Variants in SH3KBP1 observed in about 807,000 individuals in gnomAD.
SH3KBP1 encodes the protein SH3 domain containing kinase binding protein 1.
Under a neutral mutation model 50.1 loss-of-function variants are expected in SH3KBP1, and 8 were observed. The observed-to-expected ratio is 0.16, with a 90% CI of 0.09 to 0.29. The LOEUF (loss-of-function observed/expected upper bound fraction) is 0.29. SH3KBP1 is among the 10% of genes least tolerant of loss of function. The probability of loss-of-function intolerance (pLI) is 1.00; values close to 1 mark genes in which losing one functional copy is unlikely to be tolerated. For synonymous variants in SH3KBP1, 227 were observed against 218.6 expected (o/e 1.04, Z -0.34); for missense variants, 377 against 535.2 (o/e 0.70, Z 2.92).
chrX:19,740,074 G>A (rs755457558), intron 3 of SH3KBP1, among the ~76,000 whole-genome samples: 2 of 110,932 alleles, frequency 1.8e-5, no homozygotes, highest in South Asian at 7.7e-4. Flanking sequence ...ACACATAATC[G>A]CAACATGATG....
In SH3KBP1 at chrX:19,539,074, AC is replaced by A. The variant is rs943612971; in HGVS notation, c.1893-1295del. On this transcript the variant is annotated intron_variant, in intron 16 of 17. Coordinates refer to ENST00000397821, the MANE Select transcript of SH3KBP1 (RefSeq NM_031892.3). ...GATCCACGGCCTAATGCCCTTTCCA[AC>A]ATTAAAAATAATGAAGTGCACAGCA... 3.6e-5 allele frequency among the ~76,000 whole-genome samples: 4 copies of A among 112,186 alleles called. No individual in the cohort carries two copies. The Admixed American group carries it at 3.8e-4, about 11-fold the overall frequency.
chrX:19,748,777 C>A (rs1569454569), intron 2 of SH3KBP1, among the ~76,000 whole-genome samples: 1 of 110,656 alleles, frequency 9.0e-6, no homozygotes, highest in African/African-American at 3.3e-5. Context: ...TTTTCTCCAA[C>A]CTGCCCCTTC....
At chrX:19,572,196 T>TATATGTTATATATAGTAC (rs1395070378) in intron 12 of SH3KBP1, among the ~76,000 whole-genome samples, 9 of 107,862 alleles carry the variant, frequency 8.3e-5, no homozygotes, top group African/African-American at 3.0e-4. Flanking sequence ...AAAGTACATA[T>TATATGTTATATATAGTAC]ATATGTTATA....
At chrX:19,788,188 G>C (rs1051114104) in intron 2 of SH3KBP1, among the ~76,000 whole-genome samples, 2 of 102,404 alleles carry the variant, frequency 2.0e-5, no homozygotes, top group Non-Finnish European at 3.9e-5. Context: ...AGGATCACTT[G>C]AGCCCAGAAG....
intron 3 of SH3KBP1, among the ~76,000 whole-genome samples, chrX:19,724,652 A>G (rs1446836669): frequency 8.8e-6 from 1 of 113,163 alleles, no homozygotes; most frequent in Non-Finnish European, 1.9e-5. Flanking sequence ...AAAAACAGCC[A>G]GTGCCAGGTT....
At chrX:19,741,165 C>T (rs1215205352) in intron 3 of SH3KBP1, among the ~76,000 whole-genome samples, 1 of 112,020 alleles carries the variant, frequency 8.9e-6, no homozygotes, top group Admixed American at 9.5e-5. Context: ...GAATGGAACC[C>T]GTCTGAAGGA....
At chrX:19,829,892 G>A (rs1039916590) in intron 2 of SH3KBP1, among the ~76,000 whole-genome samples, 2 of 110,852 alleles carry the variant, frequency 1.8e-5, no homozygotes, top group African/African-American at 3.3e-5. Context: ...CAAGAAAGGG[G>A]TGGGCAATTC....
At chrX:19,691,959 G>T (rs1005727750) in intron 5 of SH3KBP1, among the ~76,000 whole-genome samples, 2 of 111,806 alleles carry the variant, frequency 1.8e-5, no homozygotes, top group African/African-American at 6.5e-5. Flanking sequence ...AATTGCTGAA[G>T]CTGAGTGATA....
chrX:19,630,912 C>T (rs1442453591), intron 8 of SH3KBP1, among the ~76,000 whole-genome samples: 2 of 111,835 alleles, frequency 1.8e-5, no homozygotes, highest in Non-Finnish European at 1.9e-5. Flanking sequence ...CCACAGTCTC[C>T]ACCCTCTCAG....
intron 3 of SH3KBP1, among the ~76,000 whole-genome samples, chrX:19,735,328 T>C (rs2148782223): frequency 9.1e-6 from 1 of 110,398 alleles, no homozygotes; most frequent in African/African-American, 3.3e-5. Context: ...ACCTTTATCA[T>C]TTCCTTCTTT....
intron 2 of SH3KBP1, among the ~76,000 whole-genome samples, chrX:19,805,004 GT>G (rs746214476): frequency 9.4e-6 from 1 of 106,842 alleles, no homozygotes; most frequent in Non-Finnish European, 1.9e-5. Flanking sequence ...ATCTTCTAGG[GT>G]TTTTGTTTTT....
intron 14 of SH3KBP1, among the ~76,000 whole-genome samples, chrX:19,547,417 A>C (rs886643407): frequency 8.9e-6 from 1 of 111,796 alleles, no homozygotes; most frequent in African/African-American, 3.3e-5. Flanking sequence ...AATTATACCC[A>C]AAAATATCGT....
intron 3 of SH3KBP1, among the ~76,000 whole-genome samples, chrX:19,735,018 A>G (rs1377865157): frequency 8.9e-6 from 1 of 111,985 alleles, no homozygotes; most frequent in Non-Finnish European, 1.9e-5. Context: ...ATTTTTCTAG[A>G]GTCTGGAATA....
At chrX:19,787,958 G>T (rs182780058) in intron 2 of SH3KBP1, among the ~76,000 whole-genome samples, 6 of 111,580 alleles carry the variant, frequency 5.4e-5, no homozygotes, top group Admixed American at 9.5e-5. Context: ...GGTGTTATGA[G>T]TTGAATTGTA....
At chrX:19,820,628 T>G (rs1196599578) in intron 2 of SH3KBP1, among the ~76,000 whole-genome samples, 1 of 110,401 alleles carries the variant, frequency 9.1e-6, no homozygotes, top group Non-Finnish European at 1.9e-5. Context: ...AAACAGCATA[T>G]AGTTGAGTCA....
intron 2 of SH3KBP1, among the ~76,000 whole-genome samples, chrX:19,792,064 A>G (rs927875248): frequency 7.0e-4 from 78 of 111,688 alleles, no homozygotes; most frequent in Middle Eastern, 4.6e-3. Flanking sequence ...AAGTATGCAC[A>G]TGGATACTCA....
At chrX:19,728,139 C>A (rs1050922439) in intron 3 of SH3KBP1, among the ~76,000 whole-genome samples, 2 of 111,815 alleles carry the variant, frequency 1.8e-5, no homozygotes. Flanking sequence ...GAATATCCCT[C>A]ATCAGAAAAG....
intron 1 of SH3KBP1, among the ~76,000 whole-genome samples, chrX:19,885,259 C>T (rs1451260214): frequency 1.8e-5 from 2 of 112,070 alleles, no homozygotes; most frequent in Admixed American, 1.9e-4. Context: ...ACAGAATGAA[C>T]CGTTAAATAA....
intron 6 of SH3KBP1, among the ~76,000 whole-genome samples, chrX:19,650,379 C>T (rs973993265): frequency 4.5e-5 from 5 of 112,154 alleles, no homozygotes; most frequent in African/African-American, 1.6e-4. Context: ...GCAAATATGT[C>T]CTTCTTCACA....
Sources: allele counts gnomAD v4.1 joint callset (sites outside exome capture counted in the v4.1 genomes callset), GRCh38; gene constraint gnomAD v4.1.1; transcripts MANE v1.5; gene names NCBI Gene and HGNC (gene_info 2026-07-23, HGNC 2026-07-21).